Variants in GLI3 observed in about 807,000 individuals in gnomAD.
GLI3 encodes the protein GLI family zinc finger 3.
GLI3 carries 20 observed loss-of-function variants against 100.8 expected under a neutral mutation model. That is an observed-to-expected ratio of 0.20 (90% CI 0.14 to 0.29). The LOEUF (loss-of-function observed/expected upper bound fraction) is 0.29. Ranked by LOEUF, GLI3 falls within the 10% of genes least tolerant of loss-of-function variation. The pLI is 1.00. For synonymous variants in GLI3, 938 were observed against 860.5 expected (o/e 1.09, Z -1.58); for missense variants, 2,040 against 2,128.5 (o/e 0.96, Z 0.82).
At chr7:42,095,558 G>A (rs1409996701) in intron 3 of GLI3, among the ~76,000 whole-genome samples, 1 of 152,186 alleles carries the variant, frequency 6.6e-6, no homozygotes, top group Non-Finnish European at 1.5e-5. Flanking sequence ...TCTGGGAGAA[G>A]CAGAAGTAAA....
chr7:42,235,587 C>G (rs1185511997), intron 1 of GLI3, among the ~76,000 whole-genome samples: 1 of 152,152 alleles, frequency 6.6e-6, no homozygotes, highest in African/African-American at 2.4e-5. Flanking sequence ...CCTAATTACT[C>G]GAATTTTCAG....
At chr7:42,173,440 A>T (rs1787418033) in intron 2 of GLI3, among the ~76,000 whole-genome samples, 1 of 152,152 alleles carries the variant, frequency 6.6e-6, no homozygotes, top group Non-Finnish European at 1.5e-5. Flanking sequence ...TCCTGCACAG[A>T]TCCAGGTAAC....
intron 1 of GLI3, among the ~76,000 whole-genome samples, chr7:42,257,773 G>A (rs150384208): frequency 6.6e-6 from 1 of 152,050 alleles, no homozygotes; most frequent in East Asian, 1.9e-4. Flanking sequence ...TGGATACTGA[G>A]TTTGTCAAAT....
intron 2 of GLI3, among the ~76,000 whole-genome samples, chr7:42,219,809 A>G (rs1583657352): frequency 1.3e-5 from 2 of 152,064 alleles, no homozygotes; most frequent in South Asian, 4.1e-4. Context: ...TGGATAGGAG[A>G]GAAAATGCAG....
intron 3 of GLI3, among the ~76,000 whole-genome samples, chr7:42,090,200 G>A (rs181902589): frequency 6.8e-4 from 104 of 152,298 alleles, no homozygotes; most frequent in Middle Eastern, 3.4e-3. Context: ...ACTGGAAATT[G>A]CTCTGGGTGA....
chr7:42,053,394 A>G (rs541207138), intron 4 of GLI3, among the ~76,000 whole-genome samples: 1 of 152,316 alleles, frequency 6.6e-6, no homozygotes, highest in South Asian at 2.1e-4. Flanking sequence ...TGTGAGGGGC[A>G]CTCAGGATTA....
At position 42,231,831 on chromosome 7, in the gene GLI3, T is replaced by C. The variant is rs113353994; in HGVS notation, c.-43+5140A>G. ...TAAATGGTGAGTTTTCAGTCTCTCTTTGTACAAATCAATAGTTTGTAATGT... is the reference window on the plus strand; with the variant it reads ...TAAATGGTGAGTTTTCAGTCTCTCTCTGTACAAATCAATAGTTTGTAATGT... On this transcript the variant is annotated intron_variant, in intron 1 of 14. Coordinates refer to ENST00000395925, the MANE Select transcript of GLI3 (RefSeq NM_000168.6). Among the ~76,000 whole-genome samples, 1,446 of 152,288 alleles carry C rather than the reference T, an allele frequency of 9.5e-3. 19 individuals carry two copies. The highest frequency in any genetic ancestry group is 0.033 in the African/African-American group (1,388 of 41,528).
intron 10 of GLI3, among the ~76,000 whole-genome samples, chr7:41,996,786 G>T (rs17640127): frequency 0.029 from 4,426 of 152,184 alleles, 83 homozygotes; most frequent in South Asian, 0.075. Flanking sequence ...TTCTACTTAA[G>T]GTCTTCTGGA....
At chr7:42,135,148 C>A (rs772463769) in intron 3 of GLI3, among the ~76,000 whole-genome samples, 1 of 152,104 alleles carries the variant, frequency 6.6e-6, no homozygotes, top group African/African-American at 2.4e-5. Context: ...TTCTTATTTT[C>A]TCTCCCCAAA....
chr7:42,262,127 G>A (rs1052393924), intron 1 of GLI3, among the ~76,000 whole-genome samples: 8 of 150,012 alleles, frequency 5.3e-5, no homozygotes, highest in South Asian at 2.1e-4. Flanking sequence ...GTGCAAACAC[G>A]GTTCACTGCA....
At chr7:42,010,704 A>G (rs1042120388) in intron 10 of GLI3, among the ~76,000 whole-genome samples, 3 of 152,244 alleles carry the variant, frequency 2.0e-5, no homozygotes, top group African/African-American at 7.2e-5. Context: ...CATACATTTA[A>G]TAGTTAAGAA....
At chr7:42,022,138 A>G (rs191924560) in intron 10 of GLI3, among the ~76,000 whole-genome samples, 94 of 152,274 alleles carry the variant, frequency 6.2e-4, no homozygotes, top group Admixed American at 1.0e-3. Flanking sequence ...AATTCTTCCC[A>G]TACAATTACC....
chr7:42,025,560 G>A (rs1037213501), intron 8 of GLI3, among the ~76,000 whole-genome samples, 183 bp from the exon 9 acceptor site: 3 of 152,178 alleles, frequency 2.0e-5, no homozygotes, highest in East Asian at 1.9e-4. Context: ...TAGAAAATAC[G>A]TTCATGCGGC....
At chr7:42,071,272 A>G (rs773696925) in intron 4 of GLI3, among the ~76,000 whole-genome samples, 1 of 152,008 alleles carries the variant, frequency 6.6e-6, no homozygotes, top group Non-Finnish European at 1.5e-5. Context: ...AGACTTTGCA[A>G]TTTGATATGT....
chr7:42,229,684 C>G (rs1192476679), intron 1 of GLI3, among the ~76,000 whole-genome samples: 1 of 152,098 alleles, frequency 6.6e-6, no homozygotes, highest in Non-Finnish European at 1.5e-5. Flanking sequence ...GATTAACCAT[C>G]CAGGTAAAAC....
At chr7:42,072,541 C>A (rs1784803395) in intron 4 of GLI3, among the ~76,000 whole-genome samples, 1 of 152,144 alleles carries the variant, frequency 6.6e-6, no homozygotes, top group Admixed American at 6.6e-5. Context: ...TGGAAAGTAG[C>A]CACTTGACAA....
intron 2 of GLI3, among the ~76,000 whole-genome samples, chr7:42,173,072 A>G (rs982775420): frequency 6.6e-6 from 1 of 152,136 alleles, no homozygotes; most frequent in African/African-American, 2.4e-5. Flanking sequence ...TGCAAGTCAA[A>G]TTGTCACAAC....
In GLI3 at chr7:42,123,699, A is replaced by G. The variant is rs543696766; in HGVS notation, c.367+24527T>C. ...ATTACCAAAAGTAAAGTGTAATTCA[A>G]AGAATGGTCTGATGTGCCACAACTA... On this transcript the variant is annotated intron_variant, in intron 3 of 14. Transcript: ENST00000395925. 4.6e-5 allele frequency among the ~76,000 whole-genome samples: 7 copies of G among 152,344 alleles called. No individual in the cohort carries two copies. The South Asian group carries it at 1.5e-3, about 32-fold the overall frequency.
intron 11 of GLI3, chr7:41,977,994 C>A: frequency 4.0e-6 from 2 of 503,898 alleles, no homozygotes; most frequent in Non-Finnish European, 3.6e-6. Context: ...ATTATCTGCT[C>A]ATTGATCTCC....
Sources: allele counts gnomAD v4.1 joint callset (sites outside exome capture counted in the v4.1 genomes callset), GRCh38; gene constraint gnomAD v4.1.1; transcripts MANE v1.5; gene names NCBI Gene and HGNC (gene_info 2026-07-23, HGNC 2026-07-21).